FRMD4A: variants seen among roughly 807,000 people sequenced by gnomAD.
FRMD4A encodes FERM domain containing 4A, also known as FERM domain-containing protein 4A.
Under a neutral mutation model 129.1 loss-of-function variants are expected in FRMD4A, and 29 were observed. The observed-to-expected ratio is 0.22, with a 90% CI of 0.17 to 0.31. The LOEUF (loss-of-function observed/expected upper bound fraction) is 0.31, where lower values mean the gene tolerates loss of function less well. Ranked by LOEUF, FRMD4A falls within the 10% of genes least tolerant of loss-of-function variation. The pLI, the probability that FRMD4A is intolerant of heterozygous loss-of-function variation, is 1.00. For synonymous variants in FRMD4A, 634 were observed against 571.6 expected (o/e 1.11, Z -1.56); for missense variants, 1,272 against 1,375.8 (o/e 0.92, Z 1.19).
chr10:14,214,161 A>G (rs1409769261), intron 2 of FRMD4A, among the ~76,000 whole-genome samples: 4 of 152,138 alleles, frequency 2.6e-5, no homozygotes, highest in African/African-American at 9.7e-5. Context: ...TTAATGACCT[A>G]GTCTCAGGCT....
chr10:13,666,025 C>T (rs1431964094), intron 18 of FRMD4A, 72 bp downstream of exon 18: 6 of 851,222 alleles, frequency 7.0e-6, no homozygotes, highest in African/African-American at 1.7e-5. Flanking sequence ...AGGGACCACT[C>T]GTGGGACCTG....
rs553891375 is a variant in FRMD4A, at chr10:13,779,517, C to G, written c.384+3405G>C. 8.6e-4 allele frequency among the ~76,000 whole-genome samples: 131 copies of G among 152,278 alleles called. 1 individual carries two copies. The highest frequency in any genetic ancestry group is 3.1e-3 in the African/African-American group (127 of 41,566). Reference sequence around the variant, plus strand: ...TAGAACTTTTATTCTAACTAATCCTCACACTTCAGGACTTCAGACGAGTCC... The same window carrying G: ...TAGAACTTTTATTCTAACTAATCCTGACACTTCAGGACTTCAGACGAGTCC... On this transcript the variant is annotated intron_variant, in intron 6 of 24. Transcript: ENST00000357447.
chr10:14,157,599 C>G (rs111767144), intron 2 of FRMD4A, among the ~76,000 whole-genome samples: 5 of 152,344 alleles, frequency 3.3e-5, no homozygotes, highest in Non-Finnish European at 7.3e-5. Context: ...CCAGCCAACA[C>G]AGCCCTTGCT....
intron 2 of FRMD4A, among the ~76,000 whole-genome samples, chr10:14,166,565 A>AT (rs1454113596): frequency 6.6e-6 from 1 of 152,264 alleles, no homozygotes; most frequent in Admixed American, 6.5e-5. Context: ...GAAGTCAGGG[A>AT]TAGCAGATGA....
intron 2 of FRMD4A, among the ~76,000 whole-genome samples, chr10:13,895,903 C>T (rs1304027245): frequency 6.6e-6 from 1 of 152,116 alleles, no homozygotes; most frequent in Non-Finnish European, 1.5e-5. Flanking sequence ...ATGCAGCCAA[C>T]AAACATATGA....
intron 2 of FRMD4A, among the ~76,000 whole-genome samples, chr10:14,223,763 A>AAG (rs796518106): frequency 1.6e-3 from 201 of 125,194 alleles, no homozygotes; most frequent in Non-Finnish European, 2.3e-3. Context: ...AAAAAAAAAA[A>AAG]AGAGAGAGAG....
intron 2 of FRMD4A, among the ~76,000 whole-genome samples, chr10:14,156,234 C>A (rs1001412910): frequency 2.6e-5 from 4 of 151,926 alleles, no homozygotes; most frequent in Admixed American, 6.6e-5. Flanking sequence ...CAATACACAC[C>A]CATGATGAGT....
chr10:14,124,269 A>C (rs1190390289), intron 2 of FRMD4A, among the ~76,000 whole-genome samples: 1 of 152,210 alleles, frequency 6.6e-6, no homozygotes, highest in Non-Finnish European at 1.5e-5. Context: ...CCTGGGTACT[A>C]AACACCTCTG....
intron 2 of FRMD4A, among the ~76,000 whole-genome samples, chr10:13,888,251 AT>A (rs1256653025): frequency 1.3e-5 from 2 of 152,216 alleles, no homozygotes; most frequent in Non-Finnish European, 2.9e-5. Flanking sequence ...CTTTTCCAAG[AT>A]TCTCTGACTC....
intron 2 of FRMD4A, among the ~76,000 whole-genome samples, chr10:14,128,088 C>CTTTCTTTCTTTCTTTA (rs1564320276): frequency 1.1e-5 from 1 of 89,914 alleles, no homozygotes; most frequent in Non-Finnish European, 2.2e-5. Context: ...TTCTTTCTTT[C>CTTTCTTTCTTTCTTTA]TTTCTTTCTT....
chr10:13,659,548 G>A, intron 20 of FRMD4A, 58 bp from the exon 21 acceptor site: 2 of 1,537,884 alleles, frequency 1.3e-6, no homozygotes, highest in Non-Finnish European at 1.8e-6. Flanking sequence ...TTTCCTGGGG[G>A]GCTGGCTAGT....
intron 12 of FRMD4A, among the ~76,000 whole-genome samples, chr10:13,723,259 C>T (rs534382511): frequency 1.1e-4 from 16 of 152,334 alleles, no homozygotes; most frequent in African/African-American, 3.6e-4. Context: ...CTTTGTTTGC[C>T]AGTAACCCTG....
chr10:14,022,197 A>G (rs770457770), intron 2 of FRMD4A, among the ~76,000 whole-genome samples: 48 of 152,228 alleles, frequency 3.2e-4, no homozygotes, highest in Non-Finnish European at 5.1e-4. Context: ...TGAGTGGTAC[A>G]GAGAGGAAGT....
intron 2 of FRMD4A, among the ~76,000 whole-genome samples, chr10:13,896,617 C>T (rs1353174343): frequency 6.6e-6 from 1 of 151,926 alleles, no homozygotes; most frequent in Non-Finnish European, 1.5e-5. Context: ...AGCAAATCAC[C>T]ATGGCACAGT....
At chr10:14,124,607 C>T (rs912822022) in intron 2 of FRMD4A, among the ~76,000 whole-genome samples, 13 of 152,056 alleles carry the variant, frequency 8.5e-5, no homozygotes, top group Middle Eastern at 3.2e-3. Flanking sequence ...ACCCAGGAGG[C>T]GGAGGTTGCA....
At chr10:13,982,337 G>C (rs1005390929) in intron 2 of FRMD4A, among the ~76,000 whole-genome samples, 7 of 151,976 alleles carry the variant, frequency 4.6e-5, no homozygotes, top group African/African-American at 1.7e-4. Flanking sequence ...TAAAAAATTA[G>C]CTGGGCACGG....
chr10:13,940,228 A>G (rs2095280752), intron 2 of FRMD4A, among the ~76,000 whole-genome samples: 1 of 152,068 alleles, frequency 6.6e-6, no homozygotes. Context: ...ACTGAGGCCA[A>G]GGTCATGGGT....
chr10:14,067,530 G>A (rs1037837738), intron 2 of FRMD4A, among the ~76,000 whole-genome samples: 1 of 151,566 alleles, frequency 6.6e-6, no homozygotes, highest in Non-Finnish European at 1.5e-5. Context: ...TAATAACACT[G>A]TCATGAGGCC....
chr10:14,146,017 G>A (rs1332085148), intron 2 of FRMD4A, among the ~76,000 whole-genome samples: 1 of 152,144 alleles, frequency 6.6e-6, no homozygotes, highest in African/African-American at 2.4e-5. Flanking sequence ...AAGAATCATT[G>A]CAAACGGCTT....
Sources: gnomAD v4.1 joint callset for allele counts (sites outside exome capture counted in the v4.1 genomes callset) on GRCh38, gnomAD v4.1.1 for gene constraint, MANE v1.5 for transcripts, NCBI Gene and HGNC (gene_info 2026-07-23, HGNC 2026-07-21) for gene names.